Variants in CNTN6 observed in about 807,000 individuals in gnomAD.
The protein encoded by CNTN6 is contactin-6.
A neutral mutation model predicts 122.8 loss-of-function variants in CNTN6; 137 were observed. The observed-to-expected ratio is 1.12, with a 90% CI of 0.97 to 1.29. The LOEUF (loss-of-function observed/expected upper bound fraction) is 1.29. CNTN6 is among the 50% of genes most tolerant of loss of function. The probability of loss-of-function intolerance (pLI) is 0.00; values close to 1 mark genes in which losing one functional copy is unlikely to be tolerated. For synonymous variants in CNTN6, 570 were observed against 426.0 expected (o/e 1.34, Z -4.16); for missense variants, 1,634 against 1,223.4 (o/e 1.34, Z -5.01).
At chr3:1,263,722 A>G (rs926495848) in intron 4 of CNTN6, among the ~76,000 whole-genome samples, 1 of 151,968 alleles carries the variant, frequency 6.6e-6, no homozygotes, top group Non-Finnish European at 1.5e-5. Context: ...TTTTGCAAAC[A>G]CTGAACTCGC....
chr3:1,348,588 A>G (rs1420623281), intron 11 of CNTN6, among the ~76,000 whole-genome samples: 1 of 152,086 alleles, frequency 6.6e-6, no homozygotes, highest in Non-Finnish European at 1.5e-5. Context: ...ATACATACAT[A>G]TATACACACA....
chr3:1,239,993 C>T (rs751524904), intron 4 of CNTN6, among the ~76,000 whole-genome samples: 1 of 151,984 alleles, frequency 6.6e-6, no homozygotes, highest in Non-Finnish European at 1.5e-5. Flanking sequence ...GAAACTGGAT[C>T]CTCATCTCTC....
intron 2 of CNTN6, among the ~76,000 whole-genome samples, chr3:1,162,903 C>A (rs2093167455): frequency 2.0e-5 from 3 of 152,134 alleles, no homozygotes; most frequent in African/African-American, 7.2e-5. Context: ...CAAAATCACT[C>A]CAAATGAGAA....
intron 2 of CNTN6, among the ~76,000 whole-genome samples, chr3:1,163,479 A>G (rs1318687484): frequency 2.0e-5 from 3 of 152,172 alleles, no homozygotes; most frequent in Non-Finnish European, 4.4e-5. Context: ...TGACGCGATC[A>G]TAGCTCACTA....
At chr3:1,222,777 T>C (rs1339556613) in intron 3 of CNTN6, among the ~76,000 whole-genome samples, 1 of 151,918 alleles carries the variant, frequency 6.6e-6, no homozygotes, top group Non-Finnish European at 1.5e-5. Context: ...ACATGGGGGT[T>C]TGTTGTACAA....
chr3:1,334,376 ATTTTT>A (rs11332039), intron 11 of CNTN6, among the ~76,000 whole-genome samples: 5 of 146,992 alleles, frequency 3.4e-5, no homozygotes, highest in African/African-American at 1.2e-4. Context: ...TCCTCTTTTT[ATTTTT>A]TTTTTTTTTT....
At chr3:1,224,544 C>T (rs1230695607) in intron 3 of CNTN6, among the ~76,000 whole-genome samples, 3 of 151,662 alleles carry the variant, frequency 2.0e-5, no homozygotes, top group Non-Finnish European at 2.9e-5. Flanking sequence ...TAAATATGTG[C>T]AATCATTATT....
At chr3:1,318,355 C>A (rs936964725) in intron 7 of CNTN6, among the ~76,000 whole-genome samples, 16 of 151,328 alleles carry the variant, frequency 1.1e-4, no homozygotes, top group African/African-American at 3.9e-4. Context: ...ATGTTCAATT[C>A]TCTAGACTTC....
chr3:1,122,241 A>G (rs1308286485), intron 1 of CNTN6, among the ~76,000 whole-genome samples: 5 of 151,718 alleles, frequency 3.3e-5, no homozygotes, highest in Non-Finnish European at 7.4e-5. Flanking sequence ...CCAACCTTGC[A>G]GGAAATATAC....
At chr3:1,274,620 T>C (rs890429885) in intron 4 of CNTN6, among the ~76,000 whole-genome samples, 2 of 152,210 alleles carry the variant, frequency 1.3e-5, no homozygotes, top group African/African-American at 2.4e-5. Context: ...AGAACACTGA[T>C]ATGGGAAGTA....
At chr3:1,253,396 T>C (rs1269324814) in intron 4 of CNTN6, among the ~76,000 whole-genome samples, 1 of 152,190 alleles carries the variant, frequency 6.6e-6, no homozygotes, top group African/African-American at 2.4e-5. Flanking sequence ...TATTGGTGTT[T>C]ATATACTCTA....
intron 3 of CNTN6, among the ~76,000 whole-genome samples, chr3:1,227,317 G>A (rs1017107796): frequency 2.6e-5 from 4 of 152,126 alleles, no homozygotes; most frequent in Non-Finnish European, 5.9e-5. Context: ...ACTAACAGAG[G>A]TAATCATGTT....
chr3:1,388,441 A>T (rs1693520603), intron 20 of CNTN6, among the ~76,000 whole-genome samples: 1 of 151,354 alleles, frequency 6.6e-6, no homozygotes, highest in East Asian at 1.9e-4. Context: ...CCAAAAGTAG[A>T]TAAAAACCAC....
chr3:1,374,115 T>G, intron 16 of CNTN6, 42 bp downstream of exon 16: 1 of 1,581,136 alleles, frequency 6.3e-7, no homozygotes, highest in Non-Finnish European at 8.6e-7. Flanking sequence ...AGATTTCGTA[T>G]GATACAGTTC....
intron 1 of CNTN6, among the ~76,000 whole-genome samples, chr3:1,143,724 G>A (rs2092664666): frequency 6.6e-6 from 1 of 152,162 alleles, no homozygotes; most frequent in Non-Finnish European, 1.5e-5. Context: ...TAGCTATTTA[G>A]GCTAGCAGTA....
intron 8 of CNTN6, 144 bp from the exon 9 acceptor site, chr3:1,325,671 T>C (rs1701433037): frequency 1.5e-6 from 1 of 670,960 alleles, no homozygotes; most frequent in Non-Finnish European, 2.3e-6. Context: ...AGCTCCTGCA[T>C]GTCCCCTCCC....
chr3:1,138,183 T>C (rs1251154448), intron 1 of CNTN6, among the ~76,000 whole-genome samples: 1 of 152,236 alleles, frequency 6.6e-6, no homozygotes, highest in Non-Finnish European at 1.5e-5. Flanking sequence ...ACAATCCCTC[T>C]GTGTAGTTAC....
intron 2 of CNTN6, among the ~76,000 whole-genome samples, chr3:1,214,970 C>A (rs2094109883): frequency 6.6e-6 from 1 of 152,106 alleles, no homozygotes; most frequent in African/African-American, 2.4e-5. Context: ...AGTACCCAGG[C>A]TCGGTCTCAA....
intron 4 of CNTN6, among the ~76,000 whole-genome samples, chr3:1,252,853 G>T (rs12491160): frequency 0.028 from 4,261 of 152,204 alleles, 118 homozygotes; most frequent in Admixed American, 0.053. Flanking sequence ...GAACCTTCAG[G>T]CTGGGCCACT....
Sources: allele counts gnomAD v4.1 joint callset (sites outside exome capture counted in the v4.1 genomes callset), GRCh38; gene constraint gnomAD v4.1.1; transcripts MANE v1.5; gene names NCBI Gene and HGNC (gene_info 2026-07-23, HGNC 2026-07-21).